The following IMPG1 variants were observed in gnomAD, a reference collection of about 807,000 sequenced individuals.
The protein encoded by IMPG1 is interphotoreceptor matrix proteoglycan 1, also known as interphotoreceptor matrix proteoglycan of 150 kDa.
A neutral mutation model predicts 92.0 loss-of-function variants in IMPG1; 85 were observed. The ratio of observed to expected loss-of-function variants is 0.92; its 90% confidence interval spans 0.78 to 1.11. IMPG1 has a LOEUF of 1.11. IMPG1 is among the 50% of genes least tolerant of loss of function. IMPG1 has a pLI of 0.00. For synonymous variants in IMPG1, 367 were observed against 334.1 expected, an observed-to-expected ratio of 1.10 and a Z score of -1.08; for missense variants, 1,022 against 956.0, an observed-to-expected ratio of 1.07 and a Z score of -0.91.
chr6:75,949,929 G>A (rs924327750), intron 13 of IMPG1, among the ~76,000 whole-genome samples: 2 of 152,140 alleles, frequency 1.3e-5, no homozygotes, highest in African/African-American at 4.8e-5. Context: ...TGAATGTATA[G>A]AGGTATTACA....
chr6:76,070,179 A>T (rs528711300), intron 1 of IMPG1, among the ~76,000 whole-genome samples: 2 of 152,338 alleles, frequency 1.3e-5, no homozygotes, highest in Admixed American at 1.3e-4. Flanking sequence ...ACATGAACAG[A>T]TATTTTGCAA....
chr6:75,991,061 T>G (rs1782805752), intron 12 of IMPG1, among the ~76,000 whole-genome samples: 1 of 152,174 alleles, frequency 6.6e-6, no homozygotes, highest in Admixed American at 6.5e-5. Context: ...TGGTTGGTTA[T>G]TCTCTGGCCT....
At chr6:76,053,467 A>G (rs1784075184) in intron 1 of IMPG1, among the ~76,000 whole-genome samples, 1 of 152,162 alleles carries the variant, frequency 6.6e-6, no homozygotes, top group Non-Finnish European at 1.5e-5. Context: ...CAAATTCCAA[A>G]AAATTCAGGA....
Position 76,027,879 on chromosome 6 carries a change from A to T in IMPG1, c.498-2621T>A, listed in dbSNP as rs1388641989. ...TGTTTCATAATATCAAGTGCTTTAG[A>T]CATATTTAAAAGGCTTCTCAAAATC... On this transcript the variant is annotated intron_variant, in intron 4 of 16. Transcript: ENST00000369950. Among the ~76,000 whole-genome samples the T allele has an allele frequency of 2.0e-5, 3 of 152,220 alleles. No homozygotes were observed. In the East Asian group the frequency reaches 5.8e-4, roughly 29 times the overall value.
chr6:75,923,889 C>T (rs1781475984), intron 15 of IMPG1, among the ~76,000 whole-genome samples, 183 bp from the exon 16 acceptor site: 1 of 152,052 alleles, frequency 6.6e-6, no homozygotes, highest in African/African-American at 2.4e-5. Flanking sequence ...TGACTTTTGC[C>T]TTTTAGTTGG....
chr6:76,043,629 C>T (rs961385724), intron 1 of IMPG1, among the ~76,000 whole-genome samples: 1 of 152,058 alleles, frequency 6.6e-6, no homozygotes, highest in Admixed American at 6.6e-5. Flanking sequence ...TTTGAAAATC[C>T]TTGGGTAATT....
In IMPG1 at chr6:76,026,470, G is replaced by A. The variant is rs116991000; in HGVS notation, c.498-1212C>T. ...CATGGCCCTTTCCTTCCATTCTCAG[G>A]GTCAAAAAAGGAGCAGTGAGCAGCA... On this transcript the variant is annotated intron_variant, in intron 4 of 16. Transcript: ENST00000369950. Among the ~76,000 whole-genome samples, 856 of 152,124 alleles carry A rather than the reference G, an allele frequency of 5.6e-3. 33 individuals are homozygous for A. In the East Asian group the frequency reaches 0.089, roughly 16 times the overall value.
intron 9 of IMPG1, among the ~76,000 whole-genome samples, chr6:76,006,901 A>G (rs1420103257): frequency 6.6e-6 from 1 of 152,088 alleles, no homozygotes; most frequent in Non-Finnish European, 1.5e-5. Flanking sequence ...AAGTGTTTTA[A>G]AGGCCACAGA....
At chr6:76,057,713 G>C (rs1420658885) in intron 1 of IMPG1, among the ~76,000 whole-genome samples, 1 of 152,018 alleles carries the variant, frequency 6.6e-6, no homozygotes, top group East Asian at 1.9e-4. Flanking sequence ...CCATAGGTGG[G>C]GGGGTGGCTA....
chr6:75,966,179 A>G lies in IMPG1; in HGVS notation c.1292-15085T>C, dbSNP rs190951599. ...ATATAATATCAGGGTATTTAGATAC[A>G]CTTAGGAGGAAAAGTACATTCATTT... On this transcript the variant is annotated intron_variant, in intron 12 of 16. Coordinates refer to ENST00000369950, the MANE Select transcript of IMPG1 (RefSeq NM_001563.4). 2.2e-4 allele frequency among the ~76,000 whole-genome samples: 34 copies of G among 152,320 alleles called. No homozygotes were observed. The East Asian group carries it at 5.8e-3, about 26-fold the overall frequency.
Position 75,950,754 on chromosome 6 carries a change from A to G in IMPG1, c.1632T>C (p.Asp544=). 1 of 1,613,932 alleles carries G rather than the reference A, an allele frequency of 6.2e-7. No individual in the cohort carries two copies. The highest frequency in any genetic ancestry group is 8.5e-7 in the Non-Finnish European group (1 of 1,179,872). Reference sequence around the variant, plus strand: ...CAGGAGTGGTATCCTCCAAGAAATGATCTGGGACAGAAACATATTCGCTGA... The same window carrying G: ...CAGGAGTGGTATCCTCCAAGAAATGGTCTGGGACAGAAACATATTCGCTGA... The part of the protein sequence containing the change: ...PELSEYVSVP[D]HFLEDTTPVS... The change falls in exon 13 of 17, where the codon GAT becomes GAC. Residue 544 remains aspartate, a synonymous_variant. Transcript: ENST00000369950.
chr6:75,974,557 C>T (rs2149467154), intron 12 of IMPG1, among the ~76,000 whole-genome samples: 1 of 150,948 alleles, frequency 6.6e-6, no homozygotes, highest in Admixed American at 6.6e-5. Flanking sequence ...GCAACCTCTG[C>T]CTCCCAGGTT....
rs763194922 is a variant in IMPG1 at position 76,025,244 on chromosome 6, G to A, written c.512C>T (p.Ser171Phe). 2 of 1,592,118 alleles carry A rather than the reference G, an allele frequency of 1.3e-6. No individual in the cohort carries two copies. Among genetic ancestry groups the A allele is most frequent in the Non-Finnish European group, 1.7e-6 (2 of 1,161,490 alleles). Reference protein sequence around the residue: ...RSFPDRKDEISAEKTLGEPGE... With the variant: ...RSFPDRKDEIFAEKTLGEPGE... The stretch of plus-strand genomic sequence containing the variant: ...AGGCTCTCCCAATGTCTTCTCTGCA[G>A]ATATTTCATCTTTTCTATTAGTACA... The change falls in exon 5 of 17, where the codon TCT (serine) becomes TTT (phenylalanine). Residue 171 changes from serine to phenylalanine, a missense_variant. Physicochemically the swap from Ser to Phe is radical, Grantham distance 155. Around this residue, in one of 3 missense-constraint regions of IMPG1, gnomAD observed 681 missense variants for 583.6 expected, o/e 1.17. Transcript: ENST00000369950.
At chr6:76,072,068 T>C (rs952271015) in intron 1 of IMPG1, among the ~76,000 whole-genome samples, 8 of 152,108 alleles carry the variant, frequency 5.3e-5, no homozygotes, top group Non-Finnish European at 2.9e-5. Context: ...CTTTTATCTT[T>C]AGGTTTTATT....
At chr6:76,027,578 AG>A (rs1783570630) in intron 4 of IMPG1, among the ~76,000 whole-genome samples, 1 of 152,256 alleles carries the variant, frequency 6.6e-6, no homozygotes, top group Non-Finnish European at 1.5e-5. Flanking sequence ...TAAATTATAT[AG>A]AAAAAAGCTG....
Position 76,022,175 on chromosome 6 carries a change from C to T in IMPG1, c.607G>A (p.Asp203Asn), listed in dbSNP as rs774787008. Residue 203 changes from aspartate to asparagine, a missense_variant, in exon 6 of 17, where the codon GAC (aspartate) becomes AAC (asparagine). Asp to Asn is a conservative substitution (Grantham distance 23). Coordinates refer to ENST00000369950, the MANE Select transcript of IMPG1 (RefSeq NM_001563.4). ...SLGPFPLTPD[D>N]TLLNEILDNT... is the part of the protein sequence containing the mutation. Reference sequence around the variant, plus strand: ...TCGAGAATTTCATTGAGGAGGGTGTCATCAGGAGTGAGAGGGAAAGGCCCA... The same window carrying T: ...TCGAGAATTTCATTGAGGAGGGTGTTATCAGGAGTGAGAGGGAAAGGCCCA... The T allele has an allele frequency of 3.1e-6, 5 of 1,597,570 alleles. No homozygotes were observed. In the South Asian group the frequency reaches 4.4e-5, roughly 14 times the overall value.
At chr6:75,963,161 A>G (rs1001146205) in intron 12 of IMPG1, among the ~76,000 whole-genome samples, 4 of 152,234 alleles carry the variant, frequency 2.6e-5, no homozygotes, top group African/African-American at 9.6e-5. Context: ...ATAATAAAAT[A>G]TCACTATATT....
chr6:76,067,379 C>A (rs960141009), intron 1 of IMPG1, among the ~76,000 whole-genome samples: 2 of 151,912 alleles, frequency 1.3e-5, no homozygotes, highest in African/African-American at 2.4e-5. Flanking sequence ...CACAGAAATA[C>A]AAAAGATCAT....
At chr6:76,022,963 T>A (rs1783459492) in intron 5 of IMPG1, among the ~76,000 whole-genome samples, 2 of 152,204 alleles carry the variant, frequency 1.3e-5, no homozygotes, top group Non-Finnish European at 2.9e-5. Flanking sequence ...ATTCTTGTGT[T>A]TTAGAAAACA....
Sources: allele counts gnomAD v4.1 joint callset (sites outside exome capture counted in the v4.1 genomes callset), GRCh38; gene constraint gnomAD v4.1.1; regional missense constraint gnomAD v4.1.1; transcripts MANE v1.5; gene names NCBI Gene and HGNC (gene_info 2026-07-23, HGNC 2026-07-21).